UGT1A8: variants seen among roughly 807,000 people sequenced by gnomAD.
UGT1A8 encodes UDP glucuronosyltransferase family 1 member A8, also known as UDP-glucuronosyltransferase 1A8.
A neutral mutation model predicts 45.3 loss-of-function variants in UGT1A8; 39 were observed. That is an observed-to-expected ratio of 0.86 (90% confidence interval 0.67 to 1.12). The LOEUF (loss-of-function observed/expected upper bound fraction) is 1.12, where lower values mean the gene tolerates loss of function less well. Ranked by LOEUF, UGT1A8 falls within the 50% of genes most tolerant of loss-of-function variation. UGT1A8 has a pLI of 0.00. For synonymous variants in UGT1A8, 275 were observed against 249.2 expected (o/e 1.10, Z -0.97); for missense variants, 719 against 664.9 (o/e 1.08, Z -0.90).
At chr2:233,735,331 C>A (rs2078638880) in intron 1 of UGT1A8, among the ~76,000 whole-genome samples, 1 of 152,064 alleles carries the variant, frequency 6.6e-6, no homozygotes, top group Non-Finnish European at 1.5e-5. Context: ...AGGATTGCAA[C>A]CCCTGCTTTT....
chr2:233,699,711 C>A (rs375933145), intron 1 of UGT1A8, among the ~76,000 whole-genome samples: 2 of 152,204 alleles, frequency 1.3e-5, no homozygotes, highest in South Asian at 4.1e-4. Flanking sequence ...GGTTTTCTTG[C>A]AGCATTTTTT....
chr2:233,728,954 G>A (rs2077771414), intron 1 of UGT1A8, among the ~76,000 whole-genome samples: 1 of 150,840 alleles, frequency 6.6e-6, no homozygotes, highest in Admixed American at 6.6e-5. Flanking sequence ...GGGGCCCACA[G>A]TGAAAAACAG....
At chr2:233,760,837 A>G in intron 1 of UGT1A8, 2 of 1,613,782 alleles carry the variant, frequency 1.2e-6, no homozygotes, top group Non-Finnish European at 1.7e-6. Flanking sequence ...ATTTGAGGCT[A>G]CCCAGTGCCC....
chr2:233,682,329 G>A lies in UGT1A8; in HGVS notation c.855+63767G>A, dbSNP rs17868324. ...AATTGCAGGAGTTTGTTTAATGACC[G>A]AAAATTAGTAGAATACTTAAAGGAG... On this transcript the variant is annotated intron_variant, in intron 1 of 4. Transcript: ENST00000373450. 0.62 allele frequency: 1,002,373 copies of A among 1,612,762 alleles called. 314,239 individuals carry two copies. Among genetic ancestry groups the A allele is most frequent in the South Asian group, 0.65 (59,099 of 91,046 alleles).
chr2:233,719,597 G>C, intron 1 of UGT1A8: 3 of 1,613,960 alleles, frequency 1.9e-6, no homozygotes, highest in Non-Finnish European at 2.5e-6. Flanking sequence ...TGTTCCGAGG[G>C]GACTTTGTGA....
rs1700550543 is a variant in UGT1A8, at chr2:233,772,835, G to A, written c.*276G>A. ...GACGTGCAGACAGGCTGGCATTCTA[G>A]ATTACTTTTCTTACTCTGAAACATG... On this transcript the variant is annotated 3_prime_UTR_variant, in exon 5 of 5. Transcript: ENST00000373450. 1.1e-6 allele frequency: 1 copy of A among 887,832 alleles called. No individual in the cohort carries two copies. Among genetic ancestry groups the A allele is most frequent in the Non-Finnish European group, 1.6e-6 (1 of 638,112 alleles). The allele number at this position is 887,832 out of a possible 1,614,324, so 55.0% of individuals were successfully genotyped here. A position where few individuals can be genotyped will look rare whatever the true frequency, so the allele number is the denominator to read the frequency against.
At chr2:233,747,724 T>G in intron 1 of UGT1A8, 1 of 1,613,440 alleles carries the variant, frequency 6.2e-7, no homozygotes, top group Admixed American at 1.7e-5. Flanking sequence ...CCTGCTGTGT[T>G]TTTTTTGAGG....
At chr2:233,637,379 T>C (rs753918962) in intron 1 of UGT1A8, 5 of 1,611,598 alleles carry the variant, frequency 3.1e-6, no homozygotes, top group Non-Finnish European at 4.2e-6. Context: ...TTGCCTATGG[T>C]AAGTCACCTC....
chr2:233,743,698 C>T (rs368889261), intron 1 of UGT1A8: 29 of 1,367,192 alleles, frequency 2.1e-5, no homozygotes, highest in Middle Eastern at 2.1e-4. Context: ...AGCCGCCCTC[C>T]GCCCCCGCCT....
intron 1 of UGT1A8, among the ~76,000 whole-genome samples, chr2:233,644,284 A>G (rs2125467516): frequency 6.6e-6 from 1 of 152,260 alleles, no homozygotes; most frequent in African/African-American, 2.4e-5. Flanking sequence ...ATGCTCCCTC[A>G]ATGCTGGGCA....
chr2:233,698,651 A>G (rs2075452461), intron 1 of UGT1A8, among the ~76,000 whole-genome samples: 2 of 152,254 alleles, frequency 1.3e-5, no homozygotes, highest in African/African-American at 4.8e-5. Flanking sequence ...AGCATGCTTT[A>G]TAGGTAACTA....
intron 1 of UGT1A8, among the ~76,000 whole-genome samples, chr2:233,657,996 A>G (rs1382205292): frequency 6.7e-6 from 1 of 148,266 alleles, no homozygotes; most frequent in Non-Finnish European, 1.5e-5. Flanking sequence ...GAATTTTCAT[A>G]TCCTGTGCCT....
chr2:233,692,728 T>C (rs2075111664), intron 1 of UGT1A8: 2 of 919,958 alleles, frequency 2.2e-6, no homozygotes, highest in Non-Finnish European at 2.9e-6. Context: ...TGCTATAACT[T>C]TTCAGAGAGG....
chr2:233,754,791 C>T (rs1377566295), intron 1 of UGT1A8: 10 of 1,204,840 alleles, frequency 8.3e-6, no homozygotes, highest in Non-Finnish European at 1.0e-5. Context: ...GGAACGAAAT[C>T]CTGTATCAAA....
At chr2:233,770,514 C>G (rs191930447) in intron 4 of UGT1A8, 1 of 152,018 alleles carries the variant, frequency 6.6e-6, no homozygotes, top group Non-Finnish European at 1.5e-5. Flanking sequence ...AAAAATTACC[C>G]AGGCATGGTG....
chr2:233,729,730 T>G (rs1164529541), intron 1 of UGT1A8: 2 of 1,613,840 alleles, frequency 1.2e-6, no homozygotes, highest in Non-Finnish European at 1.7e-6. Flanking sequence ...AACAACCAAT[T>G]CAGACCACAT....
Position 233,693,162 on chromosome 2 carries a change from GT to G in UGT1A8, c.856-73871del, listed in dbSNP as rs1559345986. The G allele has an allele frequency of 1.5e-5, 24 of 1,614,206 alleles. No individual in the cohort carries two copies. In the Middle Eastern group the frequency reaches 2.8e-3, roughly 189 times the overall value. On this transcript the variant is annotated intron_variant, in intron 1 of 4. Coordinates refer to ENST00000373450, the MANE Select transcript of UGT1A8 (RefSeq NM_019076.5). ...ATAGTTGAGGTTCTCAGTGACCGGGGTCATGAGATTGTAGTGGTGGTGCCTG... is the reference window on the plus strand; with the variant it reads ...ATAGTTGAGGTTCTCAGTGACCGGGGCATGAGATTGTAGTGGTGGTGCCTG...
chr2:233,646,609 G>A (rs1234772439), intron 1 of UGT1A8, among the ~76,000 whole-genome samples: 1 of 149,446 alleles, frequency 6.7e-6, no homozygotes, highest in South Asian at 2.1e-4. Flanking sequence ...GGGGCAAAAT[G>A]CTGCCAGTCT....
chr2:233,745,020 A>G (rs1324116484), intron 1 of UGT1A8, among the ~76,000 whole-genome samples: 3 of 151,866 alleles, frequency 2.0e-5, no homozygotes, highest in Admixed American at 2.0e-4. Flanking sequence ...TGTAAATGCT[A>G]TGTAAATAGT....
Sources: gnomAD v4.1 joint callset for allele counts (sites outside exome capture counted in the v4.1 genomes callset) on GRCh38, gnomAD v4.1.1 for gene constraint, MANE v1.5 for transcripts, NCBI Gene and HGNC (gene_info 2026-07-23, HGNC 2026-07-21) for gene names.